GSE1: variants seen among roughly 807,000 people sequenced by gnomAD.
The protein encoded by GSE1 is genetic suppressor element 1.
A neutral mutation model predicts 112.6 loss-of-function variants in GSE1; 32 were observed. That is an observed-to-expected ratio of 0.28 (90% CI 0.21 to 0.38). GSE1 has a LOEUF of 0.38. GSE1 is among the 10% of genes least tolerant of loss of function. GSE1 has a pLI of 1.00. For synonymous variants in GSE1, 1,115 were observed against 735.6 expected (o/e 1.52, Z -8.35); for missense variants, 2,348 against 1,699.2 (o/e 1.38, Z -6.71).
intron 1 of GSE1, among the ~76,000 whole-genome samples, chr16:85,334,011 A>C (rs997077111): frequency 6.6e-6 from 1 of 152,176 alleles, no homozygotes; most frequent in Non-Finnish European, 1.5e-5. Flanking sequence ...CTCGGGATCA[A>C]CACCGTCTGT....
At chr16:85,281,024 G>A (rs566309646) in intron 1 of GSE1, among the ~76,000 whole-genome samples, 1 of 152,246 alleles carries the variant, frequency 6.6e-6, no homozygotes, top group East Asian at 1.9e-4. Context: ...TGTCTCTGAT[G>A]GGTTGCGGGG....
intron 1 of GSE1, among the ~76,000 whole-genome samples, chr16:85,312,258 T>G (rs2045876856): frequency 7.0e-6 from 1 of 143,522 alleles, no homozygotes; most frequent in African/African-American, 2.7e-5. Flanking sequence ...TGAGTGCCCT[T>G]AGGCTGATGT....
chr16:85,646,539 A>T (rs567015536), intron 2 of GSE1, among the ~76,000 whole-genome samples: 3 of 152,038 alleles, frequency 2.0e-5, no homozygotes, highest in African/African-American at 7.2e-5. Flanking sequence ...CTTGTTGGGG[A>T]CCTTGGCCTG....
chr16:85,453,979 C>G (rs1177810000), intron 2 of GSE1, among the ~76,000 whole-genome samples: 1 of 152,096 alleles, frequency 6.6e-6, no homozygotes, highest in Non-Finnish European at 1.5e-5. Flanking sequence ...GTCCTCATGC[C>G]CCAGGAAGGA....
At chr16:85,540,804 G>A (rs1397574493) in intron 2 of GSE1, among the ~76,000 whole-genome samples, 1 of 152,138 alleles carries the variant, frequency 6.6e-6, no homozygotes, top group East Asian at 1.9e-4. Flanking sequence ...ATACTAGGGA[G>A]GCTGAGGCAG....
intron 1 of GSE1, among the ~76,000 whole-genome samples, chr16:85,293,872 C>T (rs536805237): frequency 1.1e-3 from 171 of 152,310 alleles, no homozygotes; most frequent in African/African-American, 3.8e-3. Context: ...CCACCTTAAC[C>T]CAGCATGACC....
intron 2 of GSE1, among the ~76,000 whole-genome samples, chr16:85,635,660 T>C (rs539739592): frequency 6.6e-6 from 1 of 152,226 alleles, no homozygotes; most frequent in East Asian, 1.9e-4. Context: ...TCTCAGCGTT[T>C]GGGGGCAGGA....
intron 1 of GSE1, among the ~76,000 whole-genome samples, chr16:85,196,255 A>G (rs1443507942): frequency 6.6e-6 from 1 of 152,128 alleles, no homozygotes; most frequent in Admixed American, 6.5e-5. Context: ...AGTAATGTGC[A>G]TGGGATAATC....
chr16:85,569,142 G>C (rs910273825), intron 1 of GSE1, among the ~76,000 whole-genome samples: 6 of 152,142 alleles, frequency 3.9e-5, no homozygotes, highest in Non-Finnish European at 8.8e-5. Flanking sequence ...TCCCCGACAG[G>C]GCCAACCCTG....
chr16:85,669,401 TTC>T (rs1044709128), intron 14 of GSE1, among the ~76,000 whole-genome samples: 8 of 152,274 alleles, frequency 5.3e-5, no homozygotes, highest in Admixed American at 5.2e-4. Context: ...AGTAGTTTTT[TTC>T]TTTTTTCTCC....
At chr16:85,628,141 C>T (rs950968533) in intron 1 of GSE1, among the ~76,000 whole-genome samples, 2 of 152,218 alleles carry the variant, frequency 1.3e-5, no homozygotes, top group Admixed American at 1.3e-4. Context: ...GTCCTGGCCT[C>T]AAGGGAGCTG....
chr16:85,643,163 G>A (rs531344282), intron 2 of GSE1, among the ~76,000 whole-genome samples: 7 of 152,300 alleles, frequency 4.6e-5, no homozygotes, highest in South Asian at 2.1e-4. Context: ...GCTAATCTTC[G>A]AGGTCAGACA....
intron 1 of GSE1, among the ~76,000 whole-genome samples, chr16:85,314,009 C>T (rs2045928023): frequency 1.3e-5 from 2 of 150,886 alleles, no homozygotes; most frequent in Non-Finnish European, 2.9e-5. Flanking sequence ...TGTGATACAG[C>T]CTAGTGTGTG....
chr16:85,639,294 T>A (rs1214315892), intron 2 of GSE1, among the ~76,000 whole-genome samples: 1 of 152,334 alleles, frequency 6.6e-6, no homozygotes, highest in Non-Finnish European at 1.5e-5. Flanking sequence ...AGCAGGGACC[T>A]GTCCCCTCCT....
At chr16:85,539,726 C>G (rs1236066568) in intron 2 of GSE1, among the ~76,000 whole-genome samples, 1 of 152,184 alleles carries the variant, frequency 6.6e-6, no homozygotes. Flanking sequence ...CCTCCTCTCA[C>G]CTATCTGCTC....
intron 1 of GSE1, among the ~76,000 whole-genome samples, chr16:85,312,420 C>G (rs2045880509): frequency 6.6e-6 from 1 of 152,218 alleles, no homozygotes; most frequent in African/African-American, 2.4e-5. Flanking sequence ...CCCATTGGTC[C>G]CAGGTGTGCC....
At position 85,427,133 on chromosome 16, in the gene GSE1, G is replaced by C. The variant is rs561570627; in HGVS notation, c.2464+69490G>C. Among the ~76,000 whole-genome samples, 3 of 152,216 alleles carry C rather than the reference G, an allele frequency of 2.0e-5. No individual in the cohort carries two copies. The East Asian group carries it at 5.8e-4, about 29-fold the overall frequency. ...CCCAGCACCAGCACTGTGAGTCCTG[G>C]GGTCCTGGGAGTGGGACAGCAGCTG... On this transcript the variant is annotated intron_variant, in intron 2 of 2. Transcript: ENST00000637419.
chr16:85,177,396 G>A (rs1236851134), intron 1 of GSE1, among the ~76,000 whole-genome samples: 1 of 152,242 alleles, frequency 6.6e-6, no homozygotes, highest in African/African-American at 2.4e-5. Context: ...TGGGGACACT[G>A]AAGAGAGATG....
chr16:85,188,250 C>T (rs368449145), intron 1 of GSE1, among the ~76,000 whole-genome samples: 2 of 143,950 alleles, frequency 1.4e-5, no homozygotes, highest in Admixed American at 6.9e-5. Flanking sequence ...CAGCAGTCAG[C>T]GGGCACCTGC....
Sources: allele counts gnomAD v4.1 joint callset (sites outside exome capture counted in the v4.1 genomes callset), GRCh38; gene constraint gnomAD v4.1.1; transcripts MANE v1.5; gene names NCBI Gene and HGNC (gene_info 2026-07-23, HGNC 2026-07-21).